Variants in MUSK observed in about 807,000 individuals in gnomAD.
MUSK encodes muscle, skeletal receptor tyrosine-protein kinase.
MUSK carries 55 observed loss-of-function variants against 88.7 expected under a neutral mutation model. The ratio of observed to expected loss-of-function variants is 0.62; its 90% CI spans 0.50 to 0.78. The LOEUF is 0.78. Ranked by LOEUF, MUSK falls within the 30% of genes least tolerant of loss-of-function variation. The pLI is 0.00. For missense variants in MUSK, 1,015 were observed against 1,074.3 expected, an observed-to-expected ratio of 0.94 and a Z score of 0.77; for synonymous variants, 387 against 391.9, an observed-to-expected ratio of 0.99 and a Z score of 0.15.
chr9:110,681,030 T>C lies in MUSK; in HGVS notation c.80-1644T>C, dbSNP rs979437570. 2.8e-4 allele frequency among the ~76,000 whole-genome samples: 3 copies of C among 10,870 alleles called. 1 individual carries two copies. The highest frequency in any genetic ancestry group is 1.6e-3 in the East Asian group (2 of 1,258). The allele number at this position is 10,870 out of a possible 152,430, so 7.1% of individuals were successfully genotyped here. On this transcript the variant is annotated intron_variant, in intron 1 of 14. Coordinates refer to ENST00000374448, the MANE Select transcript of MUSK (RefSeq NM_005592.4). Reference sequence around the variant, plus strand: ...ATTATATATAATATATATTATATATTATATATTATATAATATATATTATAT... The same window carrying C: ...ATTATATATAATATATATTATATATCATATATTATATAATATATATTATAT...
At position 110,775,779 on chromosome 9, in the gene MUSK, C is replaced by G; in HGVS notation, c.1185-9C>G. 1 of 1,613,268 alleles carries G rather than the reference C, an allele frequency of 6.2e-7. No homozygotes were observed. Among genetic ancestry groups the G allele is most frequent in the Non-Finnish European group, 8.5e-7 (1 of 1,179,316 alleles). On this transcript the variant is annotated splice_polypyrimidine_tract_variant and intron_variant, in intron 9 of 14. Transcript: ENST00000374448. Reference sequence around the variant, plus strand: ...TTCATCAAGTTTTGTTCTCCATATACTATTTTAGAGAGTACTGCTTGGCAG... The same window carrying G: ...TTCATCAAGTTTTGTTCTCCATATAGTATTTTAGAGAGTACTGCTTGGCAG...
At chr9:110,685,319 A>G (rs1288599836) in intron 2 of MUSK, among the ~76,000 whole-genome samples, 1 of 152,058 alleles carries the variant, frequency 6.6e-6, no homozygotes, top group Non-Finnish European at 1.5e-5. Context: ...TCACTTGGTG[A>G]TGATATATGA....
At chr9:110,732,377 C>T (rs971996042) in intron 5 of MUSK, among the ~76,000 whole-genome samples, 3 of 151,914 alleles carry the variant, frequency 2.0e-5, no homozygotes, top group Non-Finnish European at 4.4e-5. Context: ...CTGGACGCAC[C>T]CTCACTACGA....
intron 5 of MUSK, among the ~76,000 whole-genome samples, chr9:110,732,702 T>C (rs74858554): frequency 0.032 from 4,887 of 152,180 alleles, 108 homozygotes; most frequent in South Asian, 0.095. Flanking sequence ...GGGGGACAGA[T>C]TCAGCTTCAT....
chr9:110,673,517 C>A (rs1002307906), intron 1 of MUSK, among the ~76,000 whole-genome samples: 1 of 152,154 alleles, frequency 6.6e-6, no homozygotes, highest in African/African-American at 2.4e-5. Flanking sequence ...AAACTTCACA[C>A]AAGACTGTTA....
At chr9:110,725,817 A>C (rs756026399) in intron 5 of MUSK, among the ~76,000 whole-genome samples, 2 of 152,082 alleles carry the variant, frequency 1.3e-5, no homozygotes, top group African/African-American at 2.4e-5. Context: ...TAAAGCAGTT[A>C]AATAAAAATT....
At chr9:110,678,008 T>C (rs2076053772) in intron 1 of MUSK, among the ~76,000 whole-genome samples, 1 of 152,368 alleles carries the variant, frequency 6.6e-6, no homozygotes, top group East Asian at 1.9e-4. Context: ...ATTTGCTTTT[T>C]AAAATTTTAC....
chr9:110,728,714 A>AC, intron 5 of MUSK: 1 of 1,574,410 alleles, frequency 6.4e-7, no homozygotes, highest in Non-Finnish European at 8.5e-7. Context: ...ACAAGATACT[A>AC]AAGGTATTTT....
intron 14 of MUSK, among the ~76,000 whole-genome samples, chr9:110,790,366 TGGA>T (rs1375122387): frequency 6.6e-6 from 1 of 152,068 alleles, no homozygotes; most frequent in Non-Finnish European, 1.5e-5. Flanking sequence ...CCAAGGAACA[TGGA>T]TAGAGCTGAA....
intron 5 of MUSK, among the ~76,000 whole-genome samples, chr9:110,728,941 A>G (rs1425549830): frequency 2.0e-5 from 3 of 152,020 alleles, no homozygotes; most frequent in Non-Finnish European, 4.4e-5. Context: ...GATTGAGTTA[A>G]AAGTAATGTT....
chr9:110,753,930 T>C (rs2077280267), intron 7 of MUSK, among the ~76,000 whole-genome samples: 1 of 152,260 alleles, frequency 6.6e-6, no homozygotes, highest in Admixed American at 6.5e-5. Flanking sequence ...ACATGTTTCA[T>C]GCTCTTTCTC....
chr9:110,679,294 T>A (rs1386596929), intron 1 of MUSK, among the ~76,000 whole-genome samples: 1 of 152,096 alleles, frequency 6.6e-6, no homozygotes, highest in East Asian at 1.9e-4. Context: ...TGTCATATCT[T>A]TTTAGGGCTT....
At chr9:110,757,444 G>C (rs1351202051) in intron 7 of MUSK, among the ~76,000 whole-genome samples, 2 of 148,686 alleles carry the variant, frequency 1.3e-5, no homozygotes, top group Non-Finnish European at 3.0e-5. Flanking sequence ...GGGCAACAGA[G>C]TGAGACTCTG....
intron 4 of MUSK, among the ~76,000 whole-genome samples, chr9:110,695,753 GA>G (rs1248227969): frequency 6.6e-6 from 1 of 151,954 alleles, no homozygotes; most frequent in African/African-American, 2.4e-5. Flanking sequence ...GTTAAAGATA[GA>G]AAAGGAGGCA....
chr9:110,770,323 A>T (rs2077551112), intron 9 of MUSK, among the ~76,000 whole-genome samples: 1 of 126,436 alleles, frequency 7.9e-6, no homozygotes, highest in Non-Finnish European at 1.6e-5. Context: ...AATAATTATC[A>T]ATAATAATTA....
chr9:110,699,576 G>A (rs1045222416), intron 5 of MUSK, among the ~76,000 whole-genome samples: 9 of 152,092 alleles, frequency 5.9e-5, no homozygotes, highest in Admixed American at 2.6e-4. Flanking sequence ...TAATGTAGAC[G>A]TGACCTATTT....
intron 3 of MUSK, among the ~76,000 whole-genome samples, chr9:110,693,036 G>A (rs1009965456): frequency 1.3e-5 from 2 of 152,236 alleles, no homozygotes; most frequent in South Asian, 2.1e-4. Flanking sequence ...GAGTAAGTAG[G>A]TGGGGATCTG....
intron 7 of MUSK, among the ~76,000 whole-genome samples, chr9:110,753,667 T>G (rs1334284582): frequency 6.6e-6 from 1 of 152,078 alleles, no homozygotes; most frequent in African/African-American, 2.4e-5. Context: ...ATATTGCCCC[T>G]TCTTTGAATC....
chr9:110,715,090 C>T (rs923096591), intron 5 of MUSK, among the ~76,000 whole-genome samples: 7 of 149,338 alleles, frequency 4.7e-5, no homozygotes, highest in East Asian at 1.9e-4. Context: ...AGCAGATTGA[C>T]GTTACAAAAT....
Sources: allele counts gnomAD v4.1 joint callset (sites outside exome capture counted in the v4.1 genomes callset), GRCh38; gene constraint gnomAD v4.1.1; transcripts MANE v1.5; gene names NCBI Gene and HGNC (gene_info 2026-07-23, HGNC 2026-07-21).